The following SOX5 variants were observed in gnomAD, a reference collection of about 807,000 sequenced individuals.
SOX5 encodes SRY-box transcription factor 5, also known as transcription factor SOX-5.
SOX5 carries 9 observed loss-of-function variants against 92.0 expected under a neutral mutation model. The observed-to-expected ratio is 0.10, with a 90% confidence interval of 0.06 to 0.17. The LOEUF (loss-of-function observed/expected upper bound fraction) is 0.17, where lower values mean the gene tolerates loss of function less well. Among genes scored for constraint, SOX5 ranks in the 10% least tolerant of loss-of-function variants. The pLI is 1.00. For missense variants in SOX5, 642 were observed against 944.5 expected (o/e 0.68, Z 4.20); for synonymous variants, 344 against 336.3 (o/e 1.02, Z -0.25).
At chr12:24,275,221 A>T (rs1399923187) in intron 3 of SOX5, among the ~76,000 whole-genome samples, 1 of 152,134 alleles carries the variant, frequency 6.6e-6, no homozygotes, top group Non-Finnish European at 1.5e-5. Flanking sequence ...AACTCTGTAA[A>T]CTATGAGGAA....
chr12:23,843,983 G>A (rs2096547464), intron 3 of SOX5, among the ~76,000 whole-genome samples: 1 of 152,100 alleles, frequency 6.6e-6, no homozygotes, highest in South Asian at 2.1e-4. Flanking sequence ...CTTATGATAG[G>A]GTTATGTCCT....
intron 4 of SOX5, among the ~76,000 whole-genome samples, chr12:24,042,162 A>T (rs1012792777): frequency 3.9e-5 from 6 of 152,094 alleles, no homozygotes; most frequent in Non-Finnish European, 5.9e-5. Context: ...AATACATATA[A>T]CATTTTTATT....
chr12:23,578,966 GAA>G (rs1162333403), intron 9 of SOX5, among the ~76,000 whole-genome samples: 36 of 150,282 alleles, frequency 2.4e-4, no homozygotes, highest in Non-Finnish European at 4.6e-4. Context: ...GCAAAGCAAA[GAA>G]AAAGAAAGCA....
chr12:24,249,757 G>A (rs1278075422), intron 3 of SOX5, among the ~76,000 whole-genome samples: 1 of 152,186 alleles, frequency 6.6e-6, no homozygotes, highest in Non-Finnish European at 1.5e-5. Context: ...TCATCCCACA[G>A]ACAGTACATA....
At chr12:24,261,042 A>G (rs903717766) in intron 3 of SOX5, among the ~76,000 whole-genome samples, 4 of 152,216 alleles carry the variant, frequency 2.6e-5, no homozygotes, top group Admixed American at 6.5e-5. Context: ...CGAGGGCTCA[A>G]TGAGTTCAAA....
chr12:24,143,530 T>C (rs1950779264), intron 4 of SOX5, among the ~76,000 whole-genome samples: 1 of 152,100 alleles, frequency 6.6e-6, no homozygotes, highest in Admixed American at 6.5e-5. Context: ...CTTCTAGATA[T>C]GGAAACCACA....
intron 1 of SOX5, among the ~76,000 whole-genome samples, chr12:23,901,737 G>C (rs556520864): frequency 5.4e-4 from 82 of 152,234 alleles, no homozygotes; most frequent in African/African-American, 1.9e-3. Flanking sequence ...TTTGTTCACA[G>C]CTACTTGCCC....
At chr12:23,901,805 C>T (rs2137983093) in intron 1 of SOX5, among the ~76,000 whole-genome samples, 1 of 152,314 alleles carries the variant, frequency 6.6e-6, no homozygotes, top group Admixed American at 6.5e-5. Flanking sequence ...ACATGAATAG[C>T]TACTAAAACC....
intron 8 of SOX5, among the ~76,000 whole-genome samples, chr12:23,636,804 C>G (rs1360501149): frequency 6.6e-6 from 1 of 152,146 alleles, no homozygotes; most frequent in Non-Finnish European, 1.5e-5. Flanking sequence ...TACCAAATGT[C>G]TGAAGAAGGG....
chr12:24,201,370 T>C (rs967386025), intron 4 of SOX5, among the ~76,000 whole-genome samples: 6 of 152,018 alleles, frequency 3.9e-5, no homozygotes, highest in Admixed American at 3.3e-4. Context: ...TGCACCTGCA[T>C]AGTCTTATAC....
chr12:23,676,378 T>A (rs1337782510), intron 6 of SOX5, among the ~76,000 whole-genome samples: 2 of 152,142 alleles, frequency 1.3e-5, no homozygotes, highest in Admixed American at 1.3e-4. Context: ...ATATTTTTTA[T>A]CCATGAACCC....
chr12:23,963,268 G>A (rs1947160361), intron 4 of SOX5, among the ~76,000 whole-genome samples: 2 of 152,076 alleles, frequency 1.3e-5, no homozygotes, highest in Admixed American at 1.3e-4. Flanking sequence ...ACAAAACACA[G>A]GAGAATATAG....
At chr12:24,505,874 C>CGCGCGTGTGTGTGTGTGTGT (rs368183832) in intron 1 of SOX5, among the ~76,000 whole-genome samples, 39,737 of 147,258 alleles carry the variant, frequency 0.27, 6,649 homozygotes, top group East Asian at 0.73. Context: ...TGTGTGTGTG[C>CGCGCGTGTGTGTGTGTGTGT]GCATCACTGC....
At chr12:24,164,341 T>C (rs951766635) in intron 4 of SOX5, among the ~76,000 whole-genome samples, 6 of 152,110 alleles carry the variant, frequency 3.9e-5, no homozygotes, top group African/African-American at 9.6e-5. Flanking sequence ...TACAATAATA[T>C]ATGCTTTCCT....
chr12:24,335,987 A>ATATATATATATC lies in SOX5; in HGVS notation c.-174+32575_-174+32576insGATATATATATA, dbSNP rs1555235765. Reference sequence around the variant, plus strand: ...GAAATGCTATCATATATATATATATATCCATAATATTAAATTTTTCTTGTT... The same window carrying ATATATATATATC: ...GAAATGCTATCATATATATATATATATATATATATATCTCCATAATATTAAATTTTTCTTGTT... On this transcript the variant is annotated intron_variant, in intron 2 of 4. Coordinates refer to the SOX5 transcript ENST00000446891. 9.6e-4 allele frequency among the ~76,000 whole-genome samples: 129 copies of ATATATATATATC among 134,364 alleles called. 5 individuals are homozygous for ATATATATATATC. The highest frequency in any genetic ancestry group is 3.2e-3 in the East Asian group (9 of 2,788). 88.1% of individuals were successfully genotyped at this position (134,364 alleles called of 152,430 possible).
At chr12:24,302,128 C>T (rs1565862926) in intron 2 of SOX5, among the ~76,000 whole-genome samples, 1 of 152,008 alleles carries the variant, frequency 6.6e-6, no homozygotes, top group Non-Finnish European at 1.5e-5. Context: ...CATTTTTGGG[C>T]ATGGTTCTAT....
intron 2 of SOX5, among the ~76,000 whole-genome samples, chr12:24,311,905 C>T (rs1020469784): frequency 1.3e-5 from 2 of 152,130 alleles, no homozygotes; most frequent in African/African-American, 4.8e-5. Context: ...AAACATGCTT[C>T]ATCCTAGGCA....
intron 3 of SOX5, among the ~76,000 whole-genome samples, chr12:24,239,028 T>C (rs1031598876): frequency 4.6e-5 from 7 of 152,192 alleles, no homozygotes; most frequent in Non-Finnish European, 1.0e-4. Flanking sequence ...CATCTGTTGA[T>C]ATATTAACTA....
At chr12:24,398,793 G>C (rs1566069775) in intron 1 of SOX5, among the ~76,000 whole-genome samples, 1 of 152,136 alleles carries the variant, frequency 6.6e-6, no homozygotes, top group African/African-American at 2.4e-5. Context: ...GTTTTGCAGA[G>C]AGTAGCTTCT....
Sources: gnomAD v4.1 joint callset for allele counts (sites outside exome capture counted in the v4.1 genomes callset) on GRCh38, gnomAD v4.1.1 for gene constraint, MANE v1.5 for transcripts, NCBI Gene and HGNC (gene_info 2026-07-23, HGNC 2026-07-21) for gene names.